Variants in MIPOL1 observed in about 807,000 individuals in gnomAD.
MIPOL1 encodes the protein mirror-image polydactyly 1.
In MIPOL1, 57 loss-of-function variants were observed where a neutral mutation model predicts 60.9. The observed-to-expected ratio is 0.94, with a 90% CI of 0.76 to 1.17. The LOEUF is 1.17. Ranked by LOEUF, MIPOL1 falls within the 50% of genes most tolerant of loss-of-function variation. The pLI is 0.00. For missense variants in MIPOL1, 551 were observed against 511.6 expected (o/e 1.08, Z -0.74); for synonymous variants, 179 against 168.8 (o/e 1.06, Z -0.47).
intron 9 of MIPOL1, among the ~76,000 whole-genome samples, chr14:37,331,107 C>G (rs1306122503): frequency 6.6e-6 from 1 of 151,664 alleles, no homozygotes; most frequent in African/African-American, 2.4e-5. Flanking sequence ...TGTTTTATGC[C>G]AGTTACCATG....
Position 37,503,895 on chromosome 14 carries a change from T to C in MIPOL1, c.1262+3757T>C, listed in dbSNP as rs535212161. 2.0e-5 allele frequency: 3 copies of C among 152,172 alleles called. No individual in the cohort carries two copies. The East Asian group carries it at 5.8e-4, about 29-fold the overall frequency. 9.4% of individuals were successfully genotyped at this position (152,172 alleles called of 1,614,324 possible). On this transcript the variant is annotated intron_variant, in intron 12 of 12. Coordinates refer to ENST00000684589, the MANE Select transcript of MIPOL1 (RefSeq NM_001388067.1). Reference sequence around the variant, plus strand: ...TGCAGAGGCACAAATAGGCTTAAAATATAGGGATGGAGGAAGATCTACCAA... The same window carrying C: ...TGCAGAGGCACAAATAGGCTTAAAACATAGGGATGGAGGAAGATCTACCAA...
rs577593243 is a variant in MIPOL1, at chr14:37,488,741, T to C, written c.1032-11167T>C. On this transcript the variant is annotated intron_variant, in intron 11 of 12. Coordinates refer to ENST00000684589, the MANE Select transcript of MIPOL1 (RefSeq NM_001388067.1). ...TGAAATTCTGGGTTGAAAATTCTTT[T>C]CTTTAAAAATGTTGAATATTGGCCC... 1.2e-3 allele frequency among the ~76,000 whole-genome samples: 184 copies of C among 152,326 alleles called. 1 individual carries two copies. The highest frequency in any genetic ancestry group is 4.2e-3 in the African/African-American group (175 of 41,574).
chr14:37,223,207 A>G (rs904042903), intron 1 of MIPOL1, among the ~76,000 whole-genome samples: 1 of 150,810 alleles, frequency 6.6e-6, no homozygotes, highest in African/African-American at 2.4e-5. Flanking sequence ...TGGTTTTTCT[A>G]TTTTTTGTAG....
At chr14:37,219,239 G>A (rs868529315) in intron 1 of MIPOL1, among the ~76,000 whole-genome samples, 1 of 152,224 alleles carries the variant, frequency 6.6e-6, no homozygotes, top group South Asian at 2.1e-4. Context: ...AACTGACTTA[G>A]CAGAATTCTT....
At chr14:37,330,671 G>A (rs927425197) in intron 9 of MIPOL1, among the ~76,000 whole-genome samples, 1 of 150,208 alleles carries the variant, frequency 6.7e-6, no homozygotes, top group African/African-American at 2.4e-5. Flanking sequence ...TACTTCTAAA[G>A]TTAAGAGACT....
intron 10 of MIPOL1, among the ~76,000 whole-genome samples, chr14:37,410,245 A>G (rs900380841): frequency 6.6e-6 from 1 of 152,200 alleles, no homozygotes; most frequent in Non-Finnish European, 1.5e-5. Flanking sequence ...TAAATATACA[A>G]AAGAAAATAA....
At chr14:37,270,818 A>G (rs965540612) in intron 6 of MIPOL1, among the ~76,000 whole-genome samples, 10 of 152,064 alleles carry the variant, frequency 6.6e-5, no homozygotes, top group African/African-American at 2.4e-4. Context: ...CTGAACAAAC[A>G]AGGGGAAATA....
intron 10 of MIPOL1, among the ~76,000 whole-genome samples, chr14:37,397,914 A>G (rs1287683432): frequency 6.6e-6 from 1 of 152,180 alleles, no homozygotes; most frequent in Non-Finnish European, 1.5e-5. Context: ...GTTGCGAAAG[A>G]AAAGGGCTTG....
chr14:37,227,986 T>C (rs1350639252), intron 1 of MIPOL1: 1 of 152,182 alleles, frequency 6.6e-6, no homozygotes, highest in Admixed American at 6.5e-5. Context: ...AGGATGGGGA[T>C]TTGGAAAGGG....
intron 10 of MIPOL1, among the ~76,000 whole-genome samples, chr14:37,403,301 T>C (rs780286563): frequency 2.0e-4 from 30 of 152,150 alleles, no homozygotes; most frequent in Non-Finnish European, 3.8e-4. Flanking sequence ...GGAGGTTGGT[T>C]TTATAGAGAT....
chr14:37,446,018 G>A (rs1594364750), intron 11 of MIPOL1, among the ~76,000 whole-genome samples: 1 of 152,030 alleles, frequency 6.6e-6, no homozygotes, highest in Non-Finnish European at 1.5e-5. Flanking sequence ...CATGGGCAAG[G>A]ACTTCATGTC....
At chr14:37,426,570 C>CATATATAT (rs68123796) in intron 11 of MIPOL1, among the ~76,000 whole-genome samples, 1,424 of 85,456 alleles carry the variant, frequency 0.017, 65 homozygotes, top group Admixed American at 0.068. Context: ...TCAAAATATA[C>CATATATAT]ATATATATAT....
chr14:37,382,106 T>A (rs1228979966), intron 10 of MIPOL1, among the ~76,000 whole-genome samples: 1 of 152,082 alleles, frequency 6.6e-6, no homozygotes, highest in Non-Finnish European at 1.5e-5. Flanking sequence ...TGGTTGAGGC[T>A]ACATGGTGAA....
chr14:37,438,633 T>G lies in MIPOL1; in HGVS notation c.1031+15684T>G, dbSNP rs1271584754. 2.6e-5 allele frequency among the ~76,000 whole-genome samples: 4 copies of G among 152,218 alleles called. No individual in the cohort carries two copies. The East Asian group carries it at 7.7e-4, about 29-fold the overall frequency. Reference sequence around the variant, plus strand: ...ATTTGGATATGCTTGACATGTTTATTGCACAAAACACATCACTGAGACCAT... The same window carrying G: ...ATTTGGATATGCTTGACATGTTTATGGCACAAAACACATCACTGAGACCAT... On this transcript the variant is annotated intron_variant, in intron 11 of 12. Coordinates refer to ENST00000684589, the MANE Select transcript of MIPOL1 (RefSeq NM_001388067.1).
At chr14:37,444,372 A>G (rs1050498721) in intron 11 of MIPOL1, among the ~76,000 whole-genome samples, 3 of 152,214 alleles carry the variant, frequency 2.0e-5, no homozygotes, top group African/African-American at 7.2e-5. Context: ...GAAAACAATT[A>G]TGGAAGACCC....
At chr14:37,278,571 A>G (rs1343978319) in intron 6 of MIPOL1, 1 of 151,782 alleles carries the variant, frequency 6.6e-6, no homozygotes, top group Non-Finnish European at 1.5e-5. Flanking sequence ...CAGTTATTTA[A>G]TATGTTTAAA....
chr14:37,236,432 G>A (rs1188834797), intron 1 of MIPOL1, among the ~76,000 whole-genome samples: 1 of 151,684 alleles, frequency 6.6e-6, no homozygotes, highest in Non-Finnish European at 1.5e-5. Context: ...TTTCTTTTGA[G>A]GCTTTTCTAA....
At chr14:37,425,455 A>G (rs1347851055) in intron 11 of MIPOL1, among the ~76,000 whole-genome samples, 1 of 152,210 alleles carries the variant, frequency 6.6e-6, no homozygotes, top group Admixed American at 6.5e-5. Context: ...GTTGAAAGAT[A>G]TGCTTCACAA....
At chr14:37,229,407 A>G (rs918163734) in intron 1 of MIPOL1, among the ~76,000 whole-genome samples, 2 of 152,150 alleles carry the variant, frequency 1.3e-5, no homozygotes, top group African/African-American at 2.4e-5. Flanking sequence ...TTGGCCTCCT[A>G]GAGTGCTGGG....
Sources: allele counts gnomAD v4.1 joint callset (sites outside exome capture counted in the v4.1 genomes callset), GRCh38; gene constraint gnomAD v4.1.1; transcripts MANE v1.5; gene names NCBI Gene and HGNC (gene_info 2026-07-23, HGNC 2026-07-21).